The following MARCHF6 variants were observed in gnomAD, a reference collection of about 807,000 sequenced individuals.
MARCHF6 encodes E3 ubiquitin-protein ligase MARCHF6.
MARCHF6 carries 31 observed loss-of-function variants against 133.7 expected under a neutral mutation model. That is an observed-to-expected ratio of 0.23 (90% CI 0.17 to 0.31). The LOEUF (loss-of-function observed/expected upper bound fraction) is 0.31. Ranked by LOEUF, MARCHF6 falls within the 10% of genes least tolerant of loss-of-function variation. The pLI, the probability that MARCHF6 is intolerant of heterozygous loss-of-function variation, is 1.00. For missense variants in MARCHF6, 723 were observed against 1,121.6 expected, an observed-to-expected ratio of 0.64 and a Z score of 5.08; for synonymous variants, 395 against 402.5, an observed-to-expected ratio of 0.98 and a Z score of 0.22.
chr5:10,397,073 A>G (rs1244078313), intron 9 of MARCHF6, among the ~76,000 whole-genome samples: 1 of 152,180 alleles, frequency 6.6e-6, no homozygotes, highest in Non-Finnish European at 1.5e-5. Flanking sequence ...TTTTTTGTAC[A>G]TGTAACATTT....
chr5:10,366,002 G>A (rs1399791012), intron 1 of MARCHF6, among the ~76,000 whole-genome samples: 2 of 151,656 alleles, frequency 1.3e-5, no homozygotes, highest in South Asian at 2.1e-4. Context: ...ACGCAATTTC[G>A]GTTCACTGCA....
At position 10,368,682 on chromosome 5, in the gene MARCHF6, C is replaced by T. The variant is rs1056055616; in HGVS notation, c.20-9116C>T. Reference sequence around the variant, plus strand: ...GCAACCTCCACCTCCCAGGTTCAAGCGATTTTCCTGCCTCTGCCTCGCAAG... The same window carrying T: ...GCAACCTCCACCTCCCAGGTTCAAGTGATTTTCCTGCCTCTGCCTCGCAAG... On this transcript the variant is annotated intron_variant, in intron 1 of 25. Transcript: ENST00000274140. Among the ~76,000 whole-genome samples the T allele has an allele frequency of 9.9e-5, 15 of 152,192 alleles. No individual in the cohort carries two copies. The East Asian group carries it at 2.5e-3, about 25-fold the overall frequency.
intron 22 of MARCHF6, among the ~76,000 whole-genome samples, chr5:10,422,980 C>G (rs897097688): frequency 6.7e-6 from 1 of 149,646 alleles, no homozygotes; most frequent in Non-Finnish European, 1.5e-5. Flanking sequence ...AAGAATCAGT[C>G]TAAATGTTAC....
In MARCHF6 at chr5:10,397,285, TC is replaced by T. The variant is rs1244478322; in HGVS notation, c.862-6del. 1 of 1,565,776 alleles carries T rather than the reference TC, an allele frequency of 6.4e-7. No homozygotes were observed. The highest frequency in any genetic ancestry group is 1.2e-5 in the South Asian group (1 of 82,380). On this transcript the variant is annotated splice_polypyrimidine_tract_variant and splice_region_variant and intron_variant, in intron 9 of 25. Transcript: ENST00000274140. Reference sequence around the variant, plus strand: ...TGAATATGCTTTATTGATGCTTTTTTCCTTTAGGAACATGTCTTCTGGGTGG... The same window carrying T: ...TGAATATGCTTTATTGATGCTTTTTTCTTTAGGAACATGTCTTCTGGGTGG...
At chr5:10,357,610 A>G (rs1372763151) in intron 1 of MARCHF6, among the ~76,000 whole-genome samples, 1 of 152,200 alleles carries the variant, frequency 6.6e-6, no homozygotes, top group African/African-American at 2.4e-5. Flanking sequence ...TCAGACAGCT[A>G]GTTCCTCTCT....
At chr5:10,400,518 G>T (rs1039633522) in intron 10 of MARCHF6, among the ~76,000 whole-genome samples, 1 of 151,896 alleles carries the variant, frequency 6.6e-6, no homozygotes, top group African/African-American at 2.4e-5. Flanking sequence ...ATCAGTTTTG[G>T]TCATTATTCT....
intron 15 of MARCHF6, among the ~76,000 whole-genome samples, chr5:10,404,741 G>C (rs1012078599): frequency 2.6e-5 from 4 of 152,190 alleles, no homozygotes; most frequent in African/African-American, 9.7e-5. Context: ...TGAGGAAGAG[G>C]AGGAGGGGTC....
intron 1 of MARCHF6, among the ~76,000 whole-genome samples, chr5:10,373,550 C>T (rs746382937): frequency 2.6e-5 from 4 of 152,300 alleles, no homozygotes; most frequent in East Asian, 3.9e-4. Context: ...ACGTGGATGT[C>T]ACTCCACCTG....
intron 21 of MARCHF6, 146 bp from the exon 22 acceptor site, chr5:10,417,123 AT>A (rs1163300239): frequency 5.6e-6 from 5 of 893,986 alleles, no homozygotes; most frequent in Non-Finnish European, 8.5e-6. Context: ...GTACCTGCAG[AT>A]TTTCTGGATC....
intron 10 of MARCHF6, among the ~76,000 whole-genome samples, chr5:10,399,338 A>G (rs968478009): frequency 6.6e-6 from 1 of 151,948 alleles, no homozygotes; most frequent in African/African-American, 2.4e-5. Context: ...ATTTAAATAT[A>G]TTGGAAATAC....
chr5:10,428,992 CTG>C (rs990993411), intron 24 of MARCHF6, among the ~76,000 whole-genome samples: 2 of 152,108 alleles, frequency 1.3e-5, no homozygotes, highest in African/African-American at 4.8e-5. Flanking sequence ...TTTGTCAACT[CTG>C]TTTTAGAAAT....
At chr5:10,384,321 CAA>C (rs76150679) in intron 4 of MARCHF6, among the ~76,000 whole-genome samples, 4 of 142,262 alleles carry the variant, frequency 2.8e-5, no homozygotes, top group African/African-American at 2.6e-5. Flanking sequence ...TTCTGGCACT[CAA>C]AAAAAAAAAG....
chr5:10,379,876 G>T (rs1737023301), intron 3 of MARCHF6, among the ~76,000 whole-genome samples: 1 of 152,124 alleles, frequency 6.6e-6, no homozygotes, highest in Admixed American at 6.5e-5. Context: ...AAAGTGTTGG[G>T]ATTACAGGCT....
chr5:10,424,098 A>G (rs1029622186), intron 23 of MARCHF6, among the ~76,000 whole-genome samples: 6 of 152,170 alleles, frequency 3.9e-5, no homozygotes, highest in African/African-American at 1.4e-4. Flanking sequence ...ATTAAAGTAC[A>G]TATTTCATAT....
intron 3 of MARCHF6, among the ~76,000 whole-genome samples, chr5:10,379,689 C>T (rs1737012344): frequency 2.0e-5 from 3 of 152,064 alleles, no homozygotes; most frequent in South Asian, 4.1e-4. Context: ...TCTCGATCTC[C>T]TGACCTCATG....
chr5:10,397,181 T>A (rs1000768922), intron 9 of MARCHF6, 112 bp from the exon 10 acceptor site: 1 of 701,030 alleles, frequency 1.4e-6, no homozygotes, highest in Non-Finnish European at 2.3e-6. Flanking sequence ...GAGGGAAAAT[T>A]TCAATCTTAG....
At chr5:10,402,837 G>A (rs780035178) in intron 14 of MARCHF6, among the ~76,000 whole-genome samples, 1 of 152,140 alleles carries the variant, frequency 6.6e-6, no homozygotes, top group Non-Finnish European at 1.5e-5. Context: ...CTTTCTAATA[G>A]TGGAGGATTT....
rs2126390674 is a variant in MARCHF6 at position 10,435,258 on chromosome 5, G to A, written c.*1574G>A. ...CAACAATTTTTTCCCTAAGTGGTAA[G>A]CAATTACTTTAAAACATATTTTTAA... On this transcript the variant is annotated 3_prime_UTR_variant, in exon 26 of 26. Coordinates refer to ENST00000274140, the MANE Select transcript of MARCHF6 (RefSeq NM_005885.4). 1 of 152,528 alleles carries A rather than the reference G, an allele frequency of 6.6e-6. No homozygotes were observed. The highest frequency in any genetic ancestry group is 1.5e-5 in the Non-Finnish European group (1 of 67,998). 9.4% of individuals were successfully genotyped at this position (152,528 alleles called of 1,614,324 possible).
At chr5:10,381,581 G>C (rs1737148967) in intron 3 of MARCHF6, among the ~76,000 whole-genome samples, 1 of 152,112 alleles carries the variant, frequency 6.6e-6, no homozygotes, top group African/African-American at 2.4e-5. Flanking sequence ...TTCCTGCCCA[G>C]AGGCCTTTGT....
Sources: allele counts gnomAD v4.1 joint callset (sites outside exome capture counted in the v4.1 genomes callset), GRCh38; gene constraint gnomAD v4.1.1; transcripts MANE v1.5; gene names NCBI Gene and HGNC (gene_info 2026-07-23, HGNC 2026-07-21).